CRB1: variants seen among roughly 807,000 people sequenced by gnomAD.
CRB1 encodes the protein crumbs cell polarity complex component 1.
CRB1 carries 83 observed loss-of-function variants against 120.0 expected under a neutral mutation model. That is an observed-to-expected ratio of 0.69 (90% CI 0.58 to 0.83). The LOEUF is 0.83. Ranked by LOEUF, CRB1 falls within the 40% of genes least tolerant of loss-of-function variation. The pLI, the probability that CRB1 is intolerant of heterozygous loss-of-function variation, is 0.00. For synonymous variants in CRB1, 625 were observed against 612.5 expected, an observed-to-expected ratio of 1.02 and a Z score of -0.30; for missense variants, 1,699 against 1,687.6, an observed-to-expected ratio of 1.01 and a Z score of -0.12.
chr1:197,244,034 T>C, the CRB1 span, among the ~76,000 whole-genome samples: 171 of 152,320 alleles, frequency 1.1e-3, no homozygotes, highest in South Asian at 0.016. Context: ...TTGGTAGATA[T>C]TCCTCCATCC....
intron 5 of CRB1, among the ~76,000 whole-genome samples, chr1:197,383,160 C>T (rs1662042563): frequency 6.6e-6 from 1 of 152,090 alleles, no homozygotes; most frequent in African/African-American, 2.4e-5. Context: ...TTCACCAGTT[C>T]ACCCTTCATC....
chr1:197,321,310 T>G (rs1225435472), intron 1 of CRB1, among the ~76,000 whole-genome samples: 2 of 152,236 alleles, frequency 1.3e-5, no homozygotes, highest in African/African-American at 4.8e-5. Context: ...ATTGTAGTTG[T>G]TGTGCTCATT....
chr1:197,383,828 G>A (rs953092859), intron 5 of CRB1, among the ~76,000 whole-genome samples: 7 of 152,070 alleles, frequency 4.6e-5, no homozygotes, highest in African/African-American at 1.4e-4. Flanking sequence ...CAGTTTAATT[G>A]GAACTATACC....
At chr1:197,378,219 G>C (rs747931011) in intron 5 of CRB1, among the ~76,000 whole-genome samples, 2 of 152,164 alleles carry the variant, frequency 1.3e-5, no homozygotes, top group East Asian at 3.9e-4. Flanking sequence ...AATTCTTCAA[G>C]TATCAAACAA....
At chr1:197,323,308 G>A (rs1167238485) in intron 1 of CRB1, among the ~76,000 whole-genome samples, 1 of 152,108 alleles carries the variant, frequency 6.6e-6, no homozygotes, top group Non-Finnish European at 1.5e-5. Context: ...AAAGTGTTGT[G>A]TAGCTAAATT....
At chr1:197,289,855 A>G (rs1278167966) in intron 1 of CRB1, among the ~76,000 whole-genome samples, 1 of 151,510 alleles carries the variant, frequency 6.6e-6, no homozygotes, top group Non-Finnish European at 1.5e-5. Flanking sequence ...TCATATTACA[A>G]TTTAAAATTT....
At chr1:197,364,914 A>G (rs1660979196) in intron 5 of CRB1, among the ~76,000 whole-genome samples, 1 of 152,030 alleles carries the variant, frequency 6.6e-6, no homozygotes, top group African/African-American at 2.4e-5. Context: ...CATTCAAGTT[A>G]TGGTTTTACT....
At chr1:197,462,402 G>C (rs1438419255) in intron 11 of CRB1, among the ~76,000 whole-genome samples, 1 of 152,036 alleles carries the variant, frequency 6.6e-6, no homozygotes, top group Non-Finnish European at 1.5e-5. Flanking sequence ...CCTTTAAAAT[G>C]GTTTTGAAAC....
At chr1:197,231,364 G>T in the CRB1 span, among the ~76,000 whole-genome samples, 1 of 152,056 alleles carries the variant, frequency 6.6e-6, no homozygotes, top group African/African-American at 2.4e-5. Context: ...TCTACCATTT[G>T]CCCACTGCCA....
At chr1:197,448,333 A>G (rs1665800876) in intron 11 of CRB1, among the ~76,000 whole-genome samples, 1 of 152,110 alleles carries the variant, frequency 6.6e-6, no homozygotes, top group African/African-American at 2.4e-5. Context: ...GCCCCTGACT[A>G]CAGTCTTAGC....
At chr1:197,442,100 C>T (rs1665472883) in intron 10 of CRB1, 66 bp from the exon 11 acceptor site, 2 of 1,608,608 alleles carry the variant, frequency 1.2e-6, no homozygotes, top group Non-Finnish European at 1.7e-6. Context: ...CAAACTTTTT[C>T]TTCCCATTTC....
At chr1:197,438,482 A>C in intron 9 of CRB1, 65 bp from the exon 10 acceptor site, 1 of 1,598,902 alleles carries the variant, frequency 6.3e-7, no homozygotes, top group Non-Finnish European at 8.6e-7. Context: ...TGAATTTATC[A>C]GAAAACTTTT....
chr1:197,394,357 A>G (rs1252581845), intron 5 of CRB1, among the ~76,000 whole-genome samples: 8 of 152,100 alleles, frequency 5.3e-5, no homozygotes, highest in Admixed American at 5.2e-4. Flanking sequence ...ATATGTGTTA[A>G]TCATTTATGT....
At chr1:197,355,432 G>A (rs112136107) in intron 4 of CRB1, among the ~76,000 whole-genome samples, 11,056 of 152,302 alleles carry the variant, frequency 0.073, 506 homozygotes, top group Non-Finnish European at 0.098. Context: ...GGGACCCGGC[G>A]CCGCGGAGCA....
rs1333751641 is a variant in CRB1 at position 197,435,073 on chromosome 1, C to A, written c.3210C>A (p.Ser1070Arg). 1.2e-6 allele frequency: 2 copies of A among 1,613,910 alleles called. No homozygotes were observed. The highest frequency in any genetic ancestry group is 1.7e-5 in the Admixed American group (1 of 59,964). The stretch of plus-strand genomic sequence containing the variant: ...TGACCAGCACAATTGCTACTGGAAG[C>A]CTCAACTTTTTGAAGGATAATACAG... ...PFVTSTIATG[S>R]LNFLKDNTDI... is the part of the protein sequence containing the mutation. The change falls in exon 9 of 12, where the codon AGC becomes AGA. Residue 1070 changes from serine to arginine, a missense_variant. Coordinates refer to ENST00000367400, the MANE Select transcript of CRB1 (RefSeq NM_201253.3).
At chr1:197,270,114 A>G (rs1026508315) in intron 1 of CRB1, among the ~76,000 whole-genome samples, 3 of 152,174 alleles carry the variant, frequency 2.0e-5, no homozygotes, top group African/African-American at 7.2e-5. Flanking sequence ...ACAATCTAGC[A>G]TCAGCCTTCC....
At chr1:197,286,445 T>C (rs1655832475) in intron 1 of CRB1, among the ~76,000 whole-genome samples, 1 of 151,958 alleles carries the variant, frequency 6.6e-6, no homozygotes, top group Non-Finnish European at 1.5e-5. Flanking sequence ...CTTCTTGTTA[T>C]TCCCACTAAA....
At chr1:197,425,679 A>G (rs571658813) in intron 6 of CRB1, among the ~76,000 whole-genome samples, 1 of 152,060 alleles carries the variant, frequency 6.6e-6, no homozygotes, top group African/African-American at 2.4e-5. Context: ...CTGAAAAACT[A>G]TTTTCTCACT....
intron 5 of CRB1, among the ~76,000 whole-genome samples, chr1:197,403,235 G>A (rs1663158244): frequency 6.6e-6 from 1 of 152,172 alleles, no homozygotes; most frequent in Non-Finnish European, 1.5e-5. Flanking sequence ...CAATCATCAT[G>A]TATTCCCTCT....
Sources: gnomAD v4.1 joint callset for allele counts (sites outside exome capture counted in the v4.1 genomes callset) on GRCh38, gnomAD v4.1.1 for gene constraint, MANE v1.5 for transcripts, NCBI Gene and HGNC (gene_info 2026-07-23, HGNC 2026-07-21) for gene names.